The following RBFOX1 variants were observed in gnomAD, a reference collection of about 807,000 sequenced individuals.
RBFOX1 encodes the protein RNA binding protein fox-1 homolog 1.
Under a neutral mutation model 57.7 loss-of-function variants are expected in RBFOX1, and 8 were observed. The observed-to-expected ratio is 0.14, with a 90% CI of 0.08 to 0.25. RBFOX1 has a LOEUF of 0.25. Among genes scored for constraint, RBFOX1 ranks in the 10% least tolerant of loss-of-function variants. RBFOX1 has a pLI of 1.00. For missense variants in RBFOX1, 611 were observed against 548.5 expected (o/e 1.11, Z -1.14); for synonymous variants, 326 against 222.4 (o/e 1.47, Z -4.15).
intron 2 of RBFOX1, among the ~76,000 whole-genome samples, chr16:6,582,454 A>T (rs1377920259): frequency 1.0e-5 from 1 of 95,650 alleles, no homozygotes; most frequent in African/African-American, 3.9e-5. Flanking sequence ...TTGAAATGTT[A>T]GCGCCAATTT....
intron 2 of RBFOX1, among the ~76,000 whole-genome samples, chr16:5,485,395 G>A (rs2069697413): frequency 6.9e-6 from 1 of 145,134 alleles, no homozygotes; most frequent in Admixed American, 7.0e-5. Flanking sequence ...ATTACTCAAC[G>A]GAATAGGACT....
rs1002004606 is a variant in RBFOX1, at chr16:7,118,156, C to T, written c.27+66058C>T. Among the ~76,000 whole-genome samples, 10 of 152,222 alleles carry T rather than the reference C, an allele frequency of 6.6e-5. 1 individual carries two copies. Among genetic ancestry groups the T allele is most frequent in the South Asian group, 4.1e-4 (2 of 4,826 alleles). On this transcript the variant is annotated intron_variant, in intron 4 of 15. Transcript: ENST00000550418. The stretch of plus-strand genomic sequence containing the variant: ...TTTAGCTCTTTGAGAAATCTGCATA[C>T]TGTTGCATACTGTTTGCCATAGAGG...
chr16:7,474,192 C>G (rs1423940346), intron 4 of RBFOX1, among the ~76,000 whole-genome samples: 1 of 152,178 alleles, frequency 6.6e-6, no homozygotes, highest in Admixed American at 6.5e-5. Flanking sequence ...GGGGCTGAGG[C>G]AGCAGAGTCG....
intron 3 of RBFOX1, among the ~76,000 whole-genome samples, chr16:5,621,749 G>A (rs750615304): frequency 1.3e-5 from 2 of 152,184 alleles, no homozygotes; most frequent in Non-Finnish European, 2.9e-5. Flanking sequence ...TATTAAGAAT[G>A]GAGTCATTAA....
intron 3 of RBFOX1, among the ~76,000 whole-genome samples, chr16:6,778,232 T>A (rs1436900992): frequency 6.6e-6 from 1 of 152,130 alleles, no homozygotes. Context: ...AATTAAAACA[T>A]TAATTTCATC....
At chr16:5,912,335 G>A (rs1025009081) in intron 4 of RBFOX1, among the ~76,000 whole-genome samples, 3 of 152,152 alleles carry the variant, frequency 2.0e-5, no homozygotes, top group African/African-American at 4.8e-5. Flanking sequence ...GTTGTTTTCC[G>A]TTTGTGTCCC....
At chr16:6,003,185 AG>A (rs1170959266) in intron 4 of RBFOX1, among the ~76,000 whole-genome samples, 1 of 150,922 alleles carries the variant, frequency 6.6e-6, no homozygotes, top group Admixed American at 6.6e-5. Flanking sequence ...AAGCTGACGC[AG>A]GAGAATGGCA....
At chr16:7,492,033 A>C (rs1187814279) in intron 4 of RBFOX1, among the ~76,000 whole-genome samples, 5 of 152,184 alleles carry the variant, frequency 3.3e-5, no homozygotes, top group African/African-American at 1.2e-4. Flanking sequence ...TTCCAGCATC[A>C]GAATCCTGTG....
chr16:7,070,623 T>G (rs972113562), intron 4 of RBFOX1, among the ~76,000 whole-genome samples: 1 of 152,224 alleles, frequency 6.6e-6, no homozygotes, highest in Non-Finnish European at 1.5e-5. Context: ...CTGGGTTTGC[T>G]TATTTGCTCC....
At chr16:7,071,643 A>G (rs1159527645) in intron 4 of RBFOX1, among the ~76,000 whole-genome samples, 1 of 150,502 alleles carries the variant, frequency 6.6e-6, no homozygotes, top group East Asian at 2.0e-4. Flanking sequence ...AACCTGGGTA[A>G]TTTATACATA....
Position 6,208,347 on chromosome 16 carries a change from A to C in RBFOX1, c.-126-108648A>C, listed in dbSNP as rs142380842. Among the ~76,000 whole-genome samples, 492 of 152,216 alleles carry C rather than the reference A, an allele frequency of 3.2e-3. 2 individuals are homozygous for C. Among genetic ancestry groups the C allele is most frequent in the Middle Eastern group, 0.017 (5 of 294 alleles). ...AGCAAACACCTATTGCATTGAGGGA[A>C]TATATTACAATCATTGGGAAGAGTA... On this transcript the variant is annotated intron_variant, in intron 1 of 15. Coordinates refer to ENST00000550418, the MANE Select transcript of RBFOX1 (RefSeq NM_018723.4).
chr16:6,937,886 T>C (rs990969922), intron 3 of RBFOX1, among the ~76,000 whole-genome samples: 4 of 145,864 alleles, frequency 2.7e-5, no homozygotes, highest in African/African-American at 7.7e-5. Context: ...AAAAGGGAGA[T>C]GGGTATCATG....
intron 3 of RBFOX1, among the ~76,000 whole-genome samples, chr16:6,964,270 C>T (rs918579150): frequency 2.6e-5 from 4 of 152,142 alleles, no homozygotes; most frequent in African/African-American, 4.8e-5. Context: ...GCACCCCCCT[C>T]GACCTCCCAA....
At chr16:5,989,840 C>T (rs1007067325) in intron 4 of RBFOX1, among the ~76,000 whole-genome samples, 4 of 42,492 alleles carry the variant, frequency 9.4e-5, no homozygotes, top group Non-Finnish European at 2.1e-4. Context: ...AGTAACACCC[C>T]CTAACACACA....
At chr16:6,944,693 T>A (rs1477931845) in intron 3 of RBFOX1, among the ~76,000 whole-genome samples, 1 of 152,306 alleles carries the variant, frequency 6.6e-6, no homozygotes, top group African/African-American at 2.4e-5. Context: ...ATTTCATGGT[T>A]CAGTACATGG....
intron 3 of RBFOX1, among the ~76,000 whole-genome samples, chr16:5,706,599 A>T (rs1466592928): frequency 6.6e-6 from 1 of 152,210 alleles, no homozygotes; most frequent in Non-Finnish European, 1.5e-5. Flanking sequence ...TTGGCTTTTA[A>T]TAATTAAATC....
intron 2 of RBFOX1, among the ~76,000 whole-genome samples, chr16:6,578,849 G>C (rs1371999132): frequency 6.6e-6 from 1 of 151,828 alleles, no homozygotes; most frequent in Non-Finnish European, 1.5e-5. Flanking sequence ...CTTTGCTCGA[G>C]GCATAAGAAT....
intron 5 of RBFOX1, 123 bp downstream of exon 5, chr16:7,518,512 C>A: frequency 2.3e-6 from 3 of 1,294,246 alleles, no homozygotes; most frequent in East Asian, 2.5e-5. Context: ...TCCCTAAGCC[C>A]ACCCTCATCA....
At chr16:6,236,514 A>C (rs1288269477) in intron 1 of RBFOX1, among the ~76,000 whole-genome samples, 3 of 151,692 alleles carry the variant, frequency 2.0e-5, no homozygotes. Context: ...GGCTCACTGC[A>C]ACCTCTGTCT....
Sources: allele counts gnomAD v4.1 joint callset (sites outside exome capture counted in the v4.1 genomes callset), GRCh38; gene constraint gnomAD v4.1.1; transcripts MANE v1.5; gene names NCBI Gene and HGNC (gene_info 2026-07-23, HGNC 2026-07-21).